The following MGMT variants were observed in gnomAD, a reference collection of about 807,000 sequenced individuals.
The protein encoded by MGMT is methylated-DNA--protein-cysteine methyltransferase.
A neutral mutation model predicts 15.9 loss-of-function variants in MGMT; 14 were observed. The ratio of observed to expected loss-of-function variants is 0.88; its 90% CI spans 0.58 to 1.37. MGMT has a LOEUF of 1.37. Among genes scored for constraint, MGMT ranks in the 40% most tolerant of loss-of-function variants. The pLI is 0.00. For missense variants in MGMT, 282 were observed against 268.1 expected, an observed-to-expected ratio of 1.05 and a Z score of -0.36; for synonymous variants, 130 against 118.2, an observed-to-expected ratio of 1.10 and a Z score of -0.65.
intron 2 of MGMT, among the ~76,000 whole-genome samples, chr10:129,543,689 GA>G (rs373385170): frequency 0.049 from 7,271 of 148,280 alleles, 221 homozygotes; most frequent in South Asian, 0.069. Flanking sequence ...ACTCATCTAA[GA>G]AAAAAAAAAG....
At chr10:129,596,942 G>T (rs552743272) in intron 2 of MGMT, among the ~76,000 whole-genome samples, 4 of 152,286 alleles carry the variant, frequency 2.6e-5, no homozygotes, top group African/African-American at 9.6e-5. Context: ...TAGGAGTGAG[G>T]GGGGTGGGGT....
chr10:129,661,234 G>A (rs769951695), intron 2 of MGMT, among the ~76,000 whole-genome samples: 1 of 151,278 alleles, frequency 6.6e-6, no homozygotes, highest in Non-Finnish European at 1.5e-5. Context: ...TGCTTTTATG[G>A]TGTTATGAAC....
chr10:129,607,529 T>C (rs1041506753), intron 2 of MGMT, among the ~76,000 whole-genome samples: 2 of 152,236 alleles, frequency 1.3e-5, no homozygotes, highest in Non-Finnish European at 2.9e-5. Context: ...CTTTCCACTG[T>C]GCCGCACAGC....
intron 2 of MGMT, among the ~76,000 whole-genome samples, chr10:129,624,947 T>C (rs906990083): frequency 1.3e-5 from 2 of 152,044 alleles, no homozygotes; most frequent in Non-Finnish European, 2.9e-5. Flanking sequence ...AAGCAGAAAA[T>C]GGTATTACAG....
chr10:129,488,048 T>G (rs182955193), intron 1 of MGMT, among the ~76,000 whole-genome samples: 1 of 141,388 alleles, frequency 7.1e-6, no homozygotes, highest in African/African-American at 2.5e-5. Flanking sequence ...CACATGAATA[T>G]ACCTATATGG....
intron 1 of MGMT, among the ~76,000 whole-genome samples, chr10:129,476,312 G>T (rs1423690147): frequency 1.3e-5 from 2 of 152,154 alleles, no homozygotes; most frequent in African/African-American, 4.8e-5. Context: ...AGCCTTCAGG[G>T]TCATGGTTCT....
intron 3 of MGMT, among the ~76,000 whole-genome samples, chr10:129,709,138 G>A (rs1848201962): frequency 6.6e-6 from 1 of 152,216 alleles, no homozygotes; most frequent in Non-Finnish European, 1.5e-5. Flanking sequence ...AGGGTTCAGT[G>A]GGGATCTCTA....
At chr10:129,548,462 G>T (rs541438697) in intron 2 of MGMT, among the ~76,000 whole-genome samples, 12 of 152,318 alleles carry the variant, frequency 7.9e-5, no homozygotes, top group African/African-American at 2.9e-4. Flanking sequence ...CAGTGGCTCT[G>T]TTTGGAAGAG....
chr10:129,759,172 A>G, intron 3 of MGMT, 30 bp from the exon 4 acceptor site: 2 of 1,613,364 alleles, frequency 1.2e-6, no homozygotes, highest in African/African-American at 1.3e-5. Flanking sequence ...CGTTTGTCCA[A>G]ATAACATTAT....
intron 2 of MGMT, among the ~76,000 whole-genome samples, chr10:129,563,301 G>A (rs376148236): frequency 1.2e-4 from 19 of 152,180 alleles, no homozygotes; most frequent in East Asian, 3.9e-4. Flanking sequence ...AGTTTCTAGC[G>A]TGCTCACTGT....
chr10:129,734,091 G>A (rs1333027841), intron 3 of MGMT, among the ~76,000 whole-genome samples: 1 of 151,512 alleles, frequency 6.6e-6, no homozygotes, highest in African/African-American at 2.4e-5. Flanking sequence ...TTCCAATTCT[G>A]TGAAGAAAGT....
chr10:129,760,176 C>A (rs772321833), intron 4 of MGMT, among the ~76,000 whole-genome samples: 1 of 152,206 alleles, frequency 6.6e-6, no homozygotes, highest in African/African-American at 2.4e-5. Flanking sequence ...AGCTGGGCCG[C>A]GGGCCATCTG....
intron 2 of MGMT, chr10:129,563,804 G>A (rs1384322915): frequency 6.6e-6 from 1 of 152,204 alleles, no homozygotes; most frequent in African/African-American, 2.4e-5. Context: ...CCCGTGCCTC[G>A]GTGTGATCAT....
chr10:129,585,741 G>C (rs937609072), intron 2 of MGMT, among the ~76,000 whole-genome samples: 3 of 152,088 alleles, frequency 2.0e-5, no homozygotes, highest in African/African-American at 7.2e-5. Flanking sequence ...CCGTGAGTCC[G>C]TGGCTGTGGA....
At chr10:129,528,823 A>G (rs139019871) in intron 1 of MGMT, among the ~76,000 whole-genome samples, 3 of 152,294 alleles carry the variant, frequency 2.0e-5, no homozygotes, top group Non-Finnish European at 4.4e-5. Flanking sequence ...GGATGGTGCC[A>G]TCTGACTTTA....
intron 1 of MGMT, among the ~76,000 whole-genome samples, chr10:129,479,526 C>A (rs114070626): frequency 0.011 from 1,613 of 152,154 alleles, 30 homozygotes; most frequent in African/African-American, 0.037. Context: ...GTGAAAAGTT[C>A]TCGAGTGGAT....
intron 1 of MGMT, among the ~76,000 whole-genome samples, chr10:129,480,063 GT>G (rs1157358202): frequency 6.6e-6 from 1 of 152,166 alleles, no homozygotes; most frequent in African/African-American, 2.4e-5. Flanking sequence ...AGGGAGGAAT[GT>G]TATCAGTTTC....
Position 129,733,720 on chromosome 10 carries a change from T to A in MGMT, c.275-25482T>A, listed in dbSNP as rs573110840. On this transcript the variant is annotated intron_variant, in intron 3 of 4. Coordinates refer to ENST00000651593, the MANE Select transcript of MGMT (RefSeq NM_002412.5). Reference sequence around the variant, plus strand: ...CTAACGTTTAAGTCTTTAATCCATCTTGAATTGATTTTTGTATAAGGTGTA... The same window carrying A: ...CTAACGTTTAAGTCTTTAATCCATCATGAATTGATTTTTGTATAAGGTGTA... Among the ~76,000 whole-genome samples the A allele has an allele frequency of 8.5e-5, 13 of 152,138 alleles. No individual in the cohort carries two copies. In the South Asian group the frequency reaches 2.7e-3, roughly 32 times the overall value.
chr10:129,604,597 G>T (rs985061541), intron 2 of MGMT, among the ~76,000 whole-genome samples: 1 of 151,624 alleles, frequency 6.6e-6, no homozygotes, highest in African/African-American at 2.4e-5. Flanking sequence ...CTGAGGACAC[G>T]TGGAGGAGCC....
Sources: gnomAD v4.1 joint callset for allele counts (sites outside exome capture counted in the v4.1 genomes callset) on GRCh38, gnomAD v4.1.1 for gene constraint, MANE v1.5 for transcripts, NCBI Gene and HGNC (gene_info 2026-07-23, HGNC 2026-07-21) for gene names.